CSTPP1: variants seen among roughly 807,000 people sequenced by gnomAD.
CSTPP1 encodes centriolar satellite-associated tubulin polyglutamylase complex regulator 1.
the CSTPP1 span, among the ~76,000 whole-genome samples, chr11:47,151,693 G>T: frequency 6.6e-6 from 1 of 151,350 alleles, no homozygotes; most frequent in Non-Finnish European, 1.5e-5. Context: ...GATCCATTTG[G>T]CTTTTTAAAA....
the CSTPP1 span, among the ~76,000 whole-genome samples, chr11:47,039,174 C>G: frequency 1.6e-5 from 2 of 127,192 alleles, no homozygotes; most frequent in South Asian, 2.5e-4. Flanking sequence ...AAGGTTGTAG[C>G]GAGCCGAGGT....
chr11:47,078,137 C>T, the CSTPP1 span, among the ~76,000 whole-genome samples: 1 of 152,052 alleles, frequency 6.6e-6, no homozygotes, highest in African/African-American at 2.4e-5. Flanking sequence ...AGATGTCTAA[C>T]ATTTAAAAAT....
the CSTPP1 span, among the ~76,000 whole-genome samples, chr11:47,038,191 C>T: frequency 1.9e-5 from 2 of 104,184 alleles, no homozygotes; most frequent in African/African-American, 5.5e-5. Context: ...GGCGGCTGGC[C>T]GGGCAGAGGG....
chr11:47,129,382 G>T, the CSTPP1 span, among the ~76,000 whole-genome samples: 1 of 152,172 alleles, frequency 6.6e-6, no homozygotes, highest in Non-Finnish European at 1.5e-5. Context: ...TCAATAATGG[G>T]TAGGAAACTG....
the CSTPP1 span, among the ~76,000 whole-genome samples, chr11:47,108,600 G>T: frequency 1.3e-5 from 2 of 151,806 alleles, no homozygotes; most frequent in Non-Finnish European, 2.9e-5. Context: ...TGTGTGAGAA[G>T]AGCTTGGAGG....
chr11:47,098,712 G>T, the CSTPP1 span, among the ~76,000 whole-genome samples: 1 of 151,954 alleles, frequency 6.6e-6, no homozygotes, highest in Non-Finnish European at 1.5e-5. Flanking sequence ...ATATTGGCCA[G>T]GCTGGTCTCT....
At chr11:46,966,616 A>T in the CSTPP1 span, among the ~76,000 whole-genome samples, 3 of 147,972 alleles carry the variant, frequency 2.0e-5, no homozygotes, top group Admixed American at 6.8e-5. Flanking sequence ...GGTGTTTTAT[A>T]AAAAAAAAAC....
the CSTPP1 span, chr11:47,159,997 T>G: frequency 7.0e-6 from 2 of 287,610 alleles, no homozygotes; most frequent in Non-Finnish European, 1.4e-5. Flanking sequence ...AGAGCGAAAC[T>G]CCATCAAATA....
At chr11:47,109,481 G>A in the CSTPP1 span, among the ~76,000 whole-genome samples, 1 of 152,158 alleles carries the variant, frequency 6.6e-6, no homozygotes, top group East Asian at 1.9e-4. Context: ...TTTTAAAAAT[G>A]TTCTGCTCAC....
At chr11:47,103,135 T>C in the CSTPP1 span, among the ~76,000 whole-genome samples, 1 of 152,090 alleles carries the variant, frequency 6.6e-6, no homozygotes. Flanking sequence ...TGGTGGCTTA[T>C]GCCTATAATC....
At chr11:46,946,282 A>T in the CSTPP1 span, among the ~76,000 whole-genome samples, 1 of 152,224 alleles carries the variant, frequency 6.6e-6, no homozygotes, top group Non-Finnish European at 1.5e-5. Flanking sequence ...GAAGTTGGGG[A>T]TCACTTTTAT....
chr11:46,997,605 G>A, the CSTPP1 span, among the ~76,000 whole-genome samples: 3 of 152,186 alleles, frequency 2.0e-5, no homozygotes, highest in Non-Finnish European at 4.4e-5. Context: ...TGTTGCTGGC[G>A]AGGATCTGCG....
At chr11:46,956,901 C>T in the CSTPP1 span, among the ~76,000 whole-genome samples, 11 of 150,560 alleles carry the variant, frequency 7.3e-5, no homozygotes, top group South Asian at 4.2e-4. Flanking sequence ...TATGTATGCA[C>T]GTATACATAG....
chr11:46,979,726 A>C, the CSTPP1 span, among the ~76,000 whole-genome samples: 5 of 152,200 alleles, frequency 3.3e-5, no homozygotes, highest in African/African-American at 1.2e-4. Context: ...CAGCCTGGCC[A>C]ACATGGTGAA....
chr11:47,057,931 G>A, the CSTPP1 span, among the ~76,000 whole-genome samples: 17 of 152,274 alleles, frequency 1.1e-4, no homozygotes, highest in Non-Finnish European at 2.1e-4. Flanking sequence ...AAATCGATCC[G>A]CAAGTAATTT....
At chr11:47,134,735 A>T in the CSTPP1 span, among the ~76,000 whole-genome samples, 1 of 152,074 alleles carries the variant, frequency 6.6e-6, no homozygotes, top group African/African-American at 2.4e-5. Context: ...GGCACATGGG[A>T]ATAGGAAGTG....
the CSTPP1 span, among the ~76,000 whole-genome samples, chr11:47,126,448 C>T: frequency 6.6e-6 from 1 of 152,108 alleles, no homozygotes; most frequent in Non-Finnish European, 1.5e-5. Flanking sequence ...CATATCAAGA[C>T]TCTGTCTCTA....
chr11:47,069,820 TCTC>T, the CSTPP1 span, among the ~76,000 whole-genome samples: 1 of 152,096 alleles, frequency 6.6e-6, no homozygotes, highest in Admixed American at 6.6e-5. Flanking sequence ...TTCCAGCAAT[TCTC>T]CTGCCTCAGC....
the CSTPP1 span, among the ~76,000 whole-genome samples, chr11:46,974,783 A>C: frequency 2.0e-5 from 3 of 151,120 alleles, no homozygotes; most frequent in Admixed American, 2.0e-4. Flanking sequence ...TGAACCTGGG[A>C]GGTAGAGGTT....
Sources: gnomAD v4.1 joint callset for allele counts (sites outside exome capture counted in the v4.1 genomes callset) on GRCh38, gnomAD v4.1.1 for gene constraint, MANE v1.5 for transcripts, NCBI Gene and HGNC (gene_info 2026-07-23, HGNC 2026-07-21) for gene names.